DOP1A: variants seen among roughly 807,000 people sequenced by gnomAD.
DOP1A encodes DOP1 leucine zipper like protein A.
In DOP1A, 90 loss-of-function variants were observed where a neutral mutation model predicts 267.6. The observed-to-expected ratio is 0.34, with a 90% CI of 0.28 to 0.40. The LOEUF is 0.40. DOP1A is among the 10% of genes least tolerant of loss of function. DOP1A has a pLI of 1.00. For synonymous variants in DOP1A, 932 were observed against 999.1 expected (o/e 0.93, Z 1.27); for missense variants, 2,437 against 2,900.4 (o/e 0.84, Z 3.67).
chr6:83,087,983 T>G (rs987355226), intron 1 of DOP1A, among the ~76,000 whole-genome samples: 1 of 152,154 alleles, frequency 6.6e-6, no homozygotes, highest in African/African-American at 2.4e-5. Context: ...GCCATTCTCC[T>G]GCCTCAGCCT....
At chr6:83,116,932 GC>G (rs1388265838) in intron 7 of DOP1A, among the ~76,000 whole-genome samples, 5 of 152,016 alleles carry the variant, frequency 3.3e-5, no homozygotes, top group Admixed American at 1.3e-4. Context: ...GCAATGTCAG[GC>G]TCACTTTGAG....
Position 83,162,923 on chromosome 6 carries a change from T to C in DOP1A, c.7092+4T>C. 6.2e-7 allele frequency: 1 copy of C among 1,609,280 alleles called. No individual in the cohort carries two copies. ...ACTTCTTCGGAAAAGAGCAAAGGTA[T>C]CGCATTCTTTTGTGATTGTTTTGTT... On this transcript the variant is annotated splice_donor_region_variant and intron_variant, in intron 38 of 38. Transcript: ENST00000349129.
chr6:83,094,104 C>A (rs1300669667), intron 1 of DOP1A, among the ~76,000 whole-genome samples: 15 of 152,130 alleles, frequency 9.9e-5, no homozygotes, highest in Non-Finnish European at 1.5e-5. Flanking sequence ...TAATCAACCA[C>A]TAATTTACTT....
chr6:83,083,703 T>G (rs954042033), intron 1 of DOP1A, among the ~76,000 whole-genome samples: 11 of 152,188 alleles, frequency 7.2e-5, no homozygotes, highest in African/African-American at 2.7e-4. Context: ...ACGTGGACAA[T>G]GTTTATTTGG....
chr6:83,112,893 A>G (rs759792007), intron 6 of DOP1A, among the ~76,000 whole-genome samples: 2 of 152,254 alleles, frequency 1.3e-5, no homozygotes, highest in African/African-American at 2.4e-5. Flanking sequence ...TTAGAAATGT[A>G]TAAGTGCACA....
At chr6:83,130,066 A>AGT in intron 16 of DOP1A, 57 bp from the exon 17 acceptor site, 2 of 1,563,172 alleles carry the variant, frequency 1.3e-6, no homozygotes, top group Admixed American at 1.8e-5. Flanking sequence ...ATTAACTTAG[A>AGT]GTGTGTGTGA....
At position 83,137,548 on chromosome 6, in the gene DOP1A, C is replaced by T; in HGVS notation, c.3506C>T (p.Ala1169Val). The change falls in exon 21 of 39, where the codon GCA becomes GTA. Residue 1169 changes from alanine (A) to valine (V), a missense_variant. Transcript: ENST00000349129. ...KVVSGLEVESASVTSQLEIEA... is the reference protein window; with the variant it reads ...KVVSGLEVESVSVTSQLEIEA... The stretch of plus-strand genomic sequence containing the variant: ...GTAAGTGGCCTCGAAGTGGAATCTG[C>T]ATCAGTTACATCTCAATTAGAAATT... The T allele has an allele frequency of 6.2e-7, 1 of 1,613,820 alleles. No individual in the cohort carries two copies. The highest frequency in any genetic ancestry group is 8.5e-7 in the Non-Finnish European group (1 of 1,179,816).
intron 23 of DOP1A, 76 bp from the exon 24 acceptor site, chr6:83,141,845 C>T: frequency 6.7e-7 from 1 of 1,484,176 alleles, no homozygotes; most frequent in Non-Finnish European, 9.0e-7. Flanking sequence ...TTCAAAGAAA[C>T]CAAAAACGCA....
intron 1 of DOP1A, among the ~76,000 whole-genome samples, chr6:83,068,560 G>A (rs1304214096): frequency 3.3e-5 from 5 of 152,116 alleles, no homozygotes; most frequent in African/African-American, 7.2e-5. Context: ...AGCTAAAGCA[G>A]TCAAAAAAAA....
In DOP1A at chr6:83,166,458, C is replaced by T. The variant is rs1223156571; in HGVS notation, c.7093-1404C>T. The T allele has an allele frequency of 5.7e-6, 4 of 701,164 alleles. No homozygotes were observed. In the South Asian group the frequency reaches 6.0e-5, roughly 10 times the overall value. 43.4% of individuals were successfully genotyped at this position (701,164 alleles called of 1,614,324 possible). On this transcript the variant is annotated intron_variant, in intron 38 of 38. Transcript: ENST00000349129. Reference sequence around the variant, plus strand: ...TTGATGTTGTGTGTTGTCTCTGCTGCTTTATAACCTATTTTGAACTCAGAA... The same window carrying T: ...TTGATGTTGTGTGTTGTCTCTGCTGTTTTATAACCTATTTTGAACTCAGAA...
intron 1 of DOP1A, among the ~76,000 whole-genome samples, chr6:83,087,173 A>G (rs1357571322): frequency 6.6e-6 from 1 of 152,122 alleles, no homozygotes; most frequent in Non-Finnish European, 1.5e-5. Flanking sequence ...GAAGGTAAGA[A>G]TATTCTTTTT....
intron 1 of DOP1A, among the ~76,000 whole-genome samples, chr6:83,076,707 A>G (rs1221182728): frequency 6.6e-6 from 1 of 152,164 alleles, no homozygotes; most frequent in African/African-American, 2.4e-5. Context: ...GGAACACAGT[A>G]TGGCCATTCC....
intron 1 of DOP1A, among the ~76,000 whole-genome samples, chr6:83,084,162 C>T (rs1191031983): frequency 6.6e-6 from 1 of 152,078 alleles, no homozygotes; most frequent in Non-Finnish European, 1.5e-5. Context: ...CAATGATGGC[C>T]CACCTATGTA....
At chr6:83,166,469 A>C in intron 38 of DOP1A, 1 of 699,942 alleles carries the variant, frequency 1.4e-6, no homozygotes, top group East Asian at 2.7e-5. Context: ...TTTATAACCT[A>C]TTTTGAACTC....
chr6:83,084,673 C>T (rs1465997443), intron 1 of DOP1A, among the ~76,000 whole-genome samples: 1 of 152,062 alleles, frequency 6.6e-6, no homozygotes, highest in East Asian at 1.9e-4. Flanking sequence ...GCCTCTACCT[C>T]CTGGGTTCAA....
chr6:83,159,442 G>GT (rs566662199), intron 36 of DOP1A, among the ~76,000 whole-genome samples: 1,525 of 141,056 alleles, frequency 0.011, 11 homozygotes, highest in African/African-American at 0.026. Flanking sequence ...CCTGGCTAGT[G>GT]TTTTTTTTTT....
At chr6:83,135,332 A>C (rs984155142) in intron 19 of DOP1A, among the ~76,000 whole-genome samples, 28 of 152,212 alleles carry the variant, frequency 1.8e-4, no homozygotes, top group African/African-American at 6.3e-4. Flanking sequence ...AAACAAGACT[A>C]ATCATATTTT....
chr6:83,114,017 T>C (rs1774997734), intron 7 of DOP1A, among the ~76,000 whole-genome samples: 1 of 152,148 alleles, frequency 6.6e-6, no homozygotes, highest in Non-Finnish European at 1.5e-5. Context: ...GCATTCAGAA[T>C]GGTGGAACTA....
chr6:83,153,488 C>G, intron 30 of DOP1A, 23 bp from the exon 31 acceptor site: 1 of 1,518,690 alleles, frequency 6.6e-7, no homozygotes, highest in Non-Finnish European at 9.0e-7. Flanking sequence ...ATATGTTACT[C>G]TTCATTTTTT....
Sources: gnomAD v4.1 joint callset for allele counts (sites outside exome capture counted in the v4.1 genomes callset) on GRCh38, gnomAD v4.1.1 for gene constraint, MANE v1.5 for transcripts, NCBI Gene and HGNC (gene_info 2026-07-23, HGNC 2026-07-21) for gene names.